WIPF1: variants seen among roughly 807,000 people sequenced by gnomAD.
WIPF1 encodes the protein WAS/WASL-interacting protein family member 1.
A neutral mutation model predicts 35.4 loss-of-function variants in WIPF1; 13 were observed. That is an observed-to-expected ratio of 0.37 (90% confidence interval 0.24 to 0.58). The LOEUF (loss-of-function observed/expected upper bound fraction) is 0.58, where lower values mean the gene tolerates loss of function less well. WIPF1 is among the 20% of genes least tolerant of loss of function. The probability of loss-of-function intolerance (pLI) is 0.74; values close to 1 mark genes in which losing one functional copy is unlikely to be tolerated. For missense variants in WIPF1, 591 were observed against 667.0 expected (o/e 0.89, Z 1.25); for synonymous variants, 267 against 266.3 (o/e 1.00, Z -0.02).
chr2:174,627,277 T>C (rs1686869027), intron 1 of WIPF1, among the ~76,000 whole-genome samples: 1 of 152,170 alleles, frequency 6.6e-6, no homozygotes, highest in Admixed American at 6.5e-5. Context: ...AACTTGAATA[T>C]AAGATCCACA....
chr2:174,661,870 T>C (rs548261879), intron 1 of WIPF1, among the ~76,000 whole-genome samples: 12 of 152,176 alleles, frequency 7.9e-5, no homozygotes, highest in African/African-American at 2.4e-4. Flanking sequence ...GTGTGGTGTC[T>C]GGGGGGGTGT....
At chr2:174,676,075 G>A (rs758109738) in intron 1 of WIPF1, among the ~76,000 whole-genome samples, 9 of 150,836 alleles carry the variant, frequency 6.0e-5, no homozygotes, top group Non-Finnish European at 1.2e-4. Context: ...AGCCTCCTGA[G>A]TAACTGGGCT....
At chr2:174,646,473 A>G (rs934599163) in intron 1 of WIPF1, among the ~76,000 whole-genome samples, 4 of 152,238 alleles carry the variant, frequency 2.6e-5, no homozygotes, top group African/African-American at 9.7e-5. Context: ...GTATTATTCA[A>G]TGTGAGTATT....
chr2:174,572,733 G>A (rs1304321820), intron 4 of WIPF1, among the ~76,000 whole-genome samples: 2 of 152,204 alleles, frequency 1.3e-5, no homozygotes, highest in Non-Finnish European at 2.9e-5. Flanking sequence ...TGAAGTGGGC[G>A]AGAGTTCTGG....
chr2:174,612,894 AGACT>A (rs1441646973), intron 1 of WIPF1, among the ~76,000 whole-genome samples: 3 of 152,248 alleles, frequency 2.0e-5, no homozygotes, highest in Admixed American at 1.3e-4. Context: ...AACCATTCGT[AGACT>A]GACTGGGTGG....
At chr2:174,632,527 C>T (rs1016068307) in intron 1 of WIPF1, among the ~76,000 whole-genome samples, 7 of 151,688 alleles carry the variant, frequency 4.6e-5, no homozygotes, top group Admixed American at 1.3e-4. Flanking sequence ...CTGACCAACA[C>T]GGTGAAACCC....
chr2:174,588,447 C>T (rs1220408570), intron 1 of WIPF1, among the ~76,000 whole-genome samples: 1 of 152,186 alleles, frequency 6.6e-6, no homozygotes, highest in African/African-American at 2.4e-5. Context: ...TCAAATTGAA[C>T]TTCTGTCCTG....
At chr2:174,682,389 G>C (rs1033619011) in intron 1 of WIPF1, among the ~76,000 whole-genome samples, 1 of 152,220 alleles carries the variant, frequency 6.6e-6, no homozygotes, top group Non-Finnish European at 1.5e-5. Context: ...TGCAGCCCCA[G>C]GGCATCGCCG....
chr2:174,680,312 G>C lies in WIPF1; in HGVS notation c.-39+2462C>G, dbSNP rs545876392. ...CTTGATTCCAACTGTGACCTGATTC[G>C]ACGTGGGTCCCTGCTAGCCACAAGG... On this transcript the variant is annotated intron_variant, in intron 1 of 8. Coordinates refer to the WIPF1 transcript ENST00000272746. Among the ~76,000 whole-genome samples, 8 of 152,254 alleles carry C rather than the reference G, an allele frequency of 5.3e-5. No individual in the cohort carries two copies. In the South Asian group the frequency reaches 1.5e-3, roughly 28 times the overall value.
intron 7 of WIPF1, chr2:174,566,720 C>T (rs1234234661): frequency 5.2e-6 from 1 of 193,698 alleles, no homozygotes; most frequent in Non-Finnish European, 1.1e-5. Context: ...ATTAATCAGA[C>T]ATTATGCCAA....
chr2:174,596,903 G>A (rs1685838720), intron 1 of WIPF1, among the ~76,000 whole-genome samples: 1 of 152,114 alleles, frequency 6.6e-6, no homozygotes, highest in African/African-American at 2.4e-5. Context: ...AGTTTCCTTA[G>A]TTCTGCTCTA....
chr2:174,670,194 C>T (rs567134704), intron 1 of WIPF1, among the ~76,000 whole-genome samples: 57 of 152,252 alleles, frequency 3.7e-4, no homozygotes, highest in East Asian at 2.9e-3. Flanking sequence ...CCTGCCCCCC[C>T]ATCCCACTGA....
intron 1 of WIPF1, among the ~76,000 whole-genome samples, chr2:174,595,088 CAAAA>C (rs57521272): frequency 1.6e-3 from 8 of 5,068 alleles, no homozygotes; most frequent in South Asian, 0.012. Context: ...CTCATCTCTA[CAAAA>C]AAAAAAAAAA....
intron 5 of WIPF1, 98 bp from the exon 6 acceptor site, chr2:174,568,171 T>C: frequency 7.5e-7 from 1 of 1,337,508 alleles, no homozygotes; most frequent in Middle Eastern, 2.7e-4. Context: ...GCTGGACACA[T>C]GCCCTTTAAT....
At chr2:174,625,987 C>A (rs1011185401) in intron 1 of WIPF1, 7 of 152,096 alleles carry the variant, frequency 4.6e-5, no homozygotes, top group Non-Finnish European at 1.0e-4. Flanking sequence ...TAGTTTAATT[C>A]ATTAAAATTT....
intron 1 of WIPF1, among the ~76,000 whole-genome samples, chr2:174,641,903 T>C (rs10168156): frequency 0.78 from 119,407 of 152,162 alleles, 47,203 homozygotes; most frequent in East Asian, 0.97. Context: ...ACAGAGTAAT[T>C]AAGATTTACG....
chr2:174,652,566 T>C (rs1237890793), intron 1 of WIPF1, among the ~76,000 whole-genome samples: 5 of 152,230 alleles, frequency 3.3e-5, no homozygotes, highest in African/African-American at 9.6e-5. Context: ...TAAGGCTATA[T>C]AGCAATCAGA....
chr2:174,607,513 G>C (rs1686208863), intron 1 of WIPF1, among the ~76,000 whole-genome samples: 1 of 152,170 alleles, frequency 6.6e-6, no homozygotes, highest in Non-Finnish European at 1.5e-5. Context: ...AGCATTCACG[G>C]ACTCAAACAC....
At chr2:174,564,940 C>G (rs1055005880) in intron 7 of WIPF1, among the ~76,000 whole-genome samples, 2 of 151,474 alleles carry the variant, frequency 1.3e-5, no homozygotes, top group African/African-American at 2.4e-5. Context: ...TCTCGTTGCC[C>G]AGGCTCAAGT....
Sources: allele counts gnomAD v4.1 joint callset (sites outside exome capture counted in the v4.1 genomes callset), GRCh38; gene constraint gnomAD v4.1.1; transcripts MANE v1.5; gene names NCBI Gene and HGNC (gene_info 2026-07-23, HGNC 2026-07-21).